The following ERBB4 variants were observed in gnomAD, a reference collection of about 807,000 sequenced individuals.
ERBB4 encodes the protein receptor tyrosine-protein kinase erbB-4.
In ERBB4, 42 loss-of-function variants were observed where a neutral mutation model predicts 158.0. The ratio of observed to expected loss-of-function variants is 0.27; its 90% CI spans 0.21 to 0.34. ERBB4 has a LOEUF of 0.34. Ranked by LOEUF, ERBB4 falls within the 10% of genes least tolerant of loss-of-function variation. The pLI is 1.00. For synonymous variants in ERBB4, 583 were observed against 558.7 expected (o/e 1.04, Z -0.61); for missense variants, 1,333 against 1,624.1 (o/e 0.82, Z 3.08).
intron 3 of ERBB4, among the ~76,000 whole-genome samples, chr2:211,897,536 C>T (rs1039426993): frequency 2.0e-5 from 3 of 151,894 alleles, no homozygotes; most frequent in African/African-American, 7.3e-5. Context: ...GATTCATATA[C>T]CCACTTTGTT....
intron 1 of ERBB4, among the ~76,000 whole-genome samples, chr2:212,195,059 A>C (rs1295058648): frequency 1.3e-5 from 2 of 152,014 alleles, no homozygotes; most frequent in Non-Finnish European, 2.9e-5. Flanking sequence ...CAACACATTA[A>C]ATTGCAGTAA....
intron 1 of ERBB4, among the ~76,000 whole-genome samples, chr2:212,229,024 G>T (rs557890052): frequency 6.6e-6 from 1 of 152,202 alleles, no homozygotes; most frequent in African/African-American, 2.4e-5. Context: ...GGCAGCATGA[G>T]CTCTGTGTAT....
intron 2 of ERBB4, among the ~76,000 whole-genome samples, chr2:211,973,279 G>T (rs1359110388): frequency 6.6e-6 from 1 of 150,982 alleles, no homozygotes; most frequent in African/African-American, 2.4e-5. Context: ...TCAGCTCACT[G>T]CAAGCTCCGC....
At chr2:212,227,817 T>G (rs995977442) in intron 1 of ERBB4, among the ~76,000 whole-genome samples, 3 of 151,524 alleles carry the variant, frequency 2.0e-5, no homozygotes, top group African/African-American at 7.3e-5. Flanking sequence ...TAGATTACTG[T>G]CCAGTATAAA....
At chr2:212,302,612 TAGGGA>T (rs1312636598) in intron 1 of ERBB4, among the ~76,000 whole-genome samples, 11 of 151,496 alleles carry the variant, frequency 7.3e-5, no homozygotes, top group African/African-American at 2.7e-4. Context: ...CTATTTTTAT[TAGGGA>T]AGCAGTATCT....
chr2:212,219,141 C>A (rs2083202140), intron 1 of ERBB4, among the ~76,000 whole-genome samples: 2 of 151,308 alleles, frequency 1.3e-5, no homozygotes, highest in South Asian at 4.1e-4. Flanking sequence ...AGATTACAAT[C>A]TAACTACTTA....
chr2:211,633,499 TTTTA>T (rs1221722039), intron 16 of ERBB4, among the ~76,000 whole-genome samples: 1 of 146,590 alleles, frequency 6.8e-6, no homozygotes, highest in Non-Finnish European at 1.5e-5. Context: ...TTTTTTTTTT[TTTTA>T]AATTCACTAG....
At chr2:212,401,235 A>G (rs2091193678) in intron 1 of ERBB4, among the ~76,000 whole-genome samples, 1 of 152,178 alleles carries the variant, frequency 6.6e-6, no homozygotes, top group South Asian at 2.1e-4. Context: ...GCAGTCTTGA[A>G]CGAGACTTAA....
At chr2:211,889,032 T>G (rs1169724604) in intron 3 of ERBB4, among the ~76,000 whole-genome samples, 1 of 143,170 alleles carries the variant, frequency 7.0e-6, no homozygotes, top group East Asian at 1.9e-4. Context: ...AAGCTCGAAC[T>G]GGGTAGAGCC....
chr2:212,325,082 C>G (rs1166948283), intron 1 of ERBB4, among the ~76,000 whole-genome samples: 1 of 150,596 alleles, frequency 6.6e-6, no homozygotes, highest in East Asian at 1.9e-4. Flanking sequence ...ATTGTAGTTC[C>G]AAAATTACTA....
At chr2:212,483,225 G>A (rs546115838) in intron 1 of ERBB4, among the ~76,000 whole-genome samples, 5 of 152,160 alleles carry the variant, frequency 3.3e-5, no homozygotes, top group Non-Finnish European at 5.9e-5. Context: ...GATGACTGAC[G>A]TGATGCTCTC....
At chr2:212,002,873 A>G (rs979141331) in intron 2 of ERBB4, among the ~76,000 whole-genome samples, 3 of 151,884 alleles carry the variant, frequency 2.0e-5, no homozygotes, top group Non-Finnish European at 2.9e-5. Context: ...AGCCTGGCCA[A>G]TATGGTGAAA....
At chr2:212,277,129 G>A (rs182707697) in intron 1 of ERBB4, among the ~76,000 whole-genome samples, 200 of 151,858 alleles carry the variant, frequency 1.3e-3, no homozygotes, top group African/African-American at 4.7e-3. Context: ...CAAGCTAGGG[G>A]GAATGAGGTA....
intron 4 of ERBB4, chr2:211,779,671 G>A (rs564179337): frequency 1.3e-5 from 2 of 152,120 alleles, no homozygotes; most frequent in Non-Finnish European, 2.9e-5. Context: ...AAAACGAAAA[G>A]TACTAACAAT....
At chr2:212,251,470 CA>C (rs2084531624) in intron 1 of ERBB4, among the ~76,000 whole-genome samples, 1 of 151,870 alleles carries the variant, frequency 6.6e-6, no homozygotes, top group Non-Finnish European at 1.5e-5. Context: ...TAAAACATAA[CA>C]TGCTTTTGAC....
At chr2:211,632,240 ATTC>A (rs2125876914) in intron 16 of ERBB4, among the ~76,000 whole-genome samples, 1 of 152,228 alleles carries the variant, frequency 6.6e-6, no homozygotes, top group East Asian at 1.9e-4. Flanking sequence ...ATGGAAAAAA[ATTC>A]TTCATTGTGA....
chr2:212,485,811 C>G (rs1689943278), intron 1 of ERBB4, among the ~76,000 whole-genome samples: 1 of 152,038 alleles, frequency 6.6e-6, no homozygotes, highest in Non-Finnish European at 1.5e-5. Context: ...TAGGTGGCAC[C>G]TTCTCACTGT....
At chr2:211,939,271 T>C (rs2080417918) in intron 3 of ERBB4, among the ~76,000 whole-genome samples, 1 of 152,142 alleles carries the variant, frequency 6.6e-6, no homozygotes, top group Non-Finnish European at 1.5e-5. Flanking sequence ...TAAATAGATC[T>C]AGATTCCAGC....
chr2:212,385,200 T>C (rs149660350), intron 1 of ERBB4, among the ~76,000 whole-genome samples: 429 of 151,856 alleles, frequency 2.8e-3, no homozygotes, highest in Admixed American at 6.7e-3. Context: ...AAATGCTTTT[T>C]CTGCAAGATT....
Sources: allele counts gnomAD v4.1 joint callset (sites outside exome capture counted in the v4.1 genomes callset), GRCh38; gene constraint gnomAD v4.1.1; transcripts MANE v1.5; gene names NCBI Gene and HGNC (gene_info 2026-07-23, HGNC 2026-07-21).